SPATA6: variants seen among roughly 807,000 people sequenced by gnomAD.
SPATA6 encodes the protein spermatogenesis associated 6.
SPATA6 carries 56 observed loss-of-function variants against 65.3 expected under a neutral mutation model. That is an observed-to-expected ratio of 0.86 (90% CI 0.69 to 1.07). The LOEUF (loss-of-function observed/expected upper bound fraction) is 1.07. SPATA6 is among the 50% of genes least tolerant of loss of function. The pLI, the probability that SPATA6 is intolerant of heterozygous loss-of-function variation, is 0.00. For synonymous variants in SPATA6, 199 were observed against 213.2 expected (o/e 0.93, Z 0.58); for missense variants, 590 against 594.8 (o/e 0.99, Z 0.08).
chr1:48,290,574 C>T (rs1644760242), downstream of SPATA6, among the ~76,000 whole-genome samples: 2 of 151,976 alleles, frequency 1.3e-5, no homozygotes, highest in African/African-American at 4.8e-5. Flanking sequence ...GAGTCAAGAC[C>T]CATCAGTGTG....
intron 9 of SPATA6, among the ~76,000 whole-genome samples, chr1:48,364,585 C>A (rs1238983313): frequency 1.3e-5 from 2 of 152,168 alleles, no homozygotes; most frequent in Non-Finnish European, 2.9e-5. Context: ...TGTTTTTTGG[C>A]TGCATAAATG....
At chr1:48,459,204 C>CAAAAAAAAAAAAAAAAA (rs35079974) in intron 1 of SPATA6, among the ~76,000 whole-genome samples, 1 of 66,394 alleles carries the variant, frequency 1.5e-5, no homozygotes, top group Non-Finnish European at 2.9e-5. Context: ...GACTCCATAT[C>CAAAAAAAAAAAAAAAAA]AAAAAAAAAA....
chr1:48,443,220 C>T (rs1655689466), intron 3 of SPATA6, among the ~76,000 whole-genome samples: 1 of 152,132 alleles, frequency 6.6e-6, no homozygotes, highest in Non-Finnish European at 1.5e-5. Context: ...TTATTAATAG[C>T]AAAGAAAAAT....
At chr1:48,378,896 T>C (rs1433885290) in intron 9 of SPATA6, among the ~76,000 whole-genome samples, 6 of 152,206 alleles carry the variant, frequency 3.9e-5, no homozygotes, top group Non-Finnish European at 4.4e-5. Context: ...ACACATACAA[T>C]GGTATACTAT....
chr1:48,270,098 T>C, the SPATA6 span, among the ~76,000 whole-genome samples: 4 of 152,114 alleles, frequency 2.6e-5, no homozygotes, highest in Non-Finnish European at 4.4e-5. Flanking sequence ...AATGTAGTGA[T>C]GCTTAAACTT....
At chr1:48,319,448 T>A (rs548635297) in intron 11 of SPATA6, among the ~76,000 whole-genome samples, 6 of 152,228 alleles carry the variant, frequency 3.9e-5, no homozygotes, top group Admixed American at 6.5e-5. Flanking sequence ...AGTGAGCGCC[T>A]CTGTCATGGA....
intron 11 of SPATA6, among the ~76,000 whole-genome samples, chr1:48,341,191 C>T (rs965954259): frequency 6.6e-6 from 1 of 152,130 alleles, no homozygotes; most frequent in Non-Finnish European, 1.5e-5. Flanking sequence ...GAGACAACTC[C>T]CTTATGCCTC....
chr1:48,296,106 T>G lies in SPATA6; in HGVS notation c.*2607A>C, dbSNP rs1378647257. 6.6e-6 allele frequency: 1 copy of G among 152,038 alleles called. No individual in the cohort carries two copies. The highest frequency in any genetic ancestry group is 1.5e-5 in the Non-Finnish European group (1 of 67,986). 9.4% of individuals were successfully genotyped at this position (152,038 alleles called of 1,614,324 possible). A position where few individuals can be genotyped will look rare whatever the true frequency, so the allele number is the denominator to read the frequency against. ...TTAAAAAGTAAAAAGAAAAGCCTAT[T>G]TATCTTTCATATTAACTCCAATAAT... On this transcript the variant is annotated 3_prime_UTR_variant, in exon 13 of 13. Transcript: ENST00000371847.
In SPATA6 at chr1:48,463,696, A is replaced by G. The variant is rs575482987; in HGVS notation, c.51+8262T>C. ...GAGATTTACAGGATGCTTCACCTGG[A>G]TGGGTACACAGGTGTTCATTAAATG... On this transcript the variant is annotated intron_variant, in intron 1 of 12. Coordinates refer to ENST00000371847, the MANE Select transcript of SPATA6 (RefSeq NM_019073.4). Among the ~76,000 whole-genome samples the G allele has an allele frequency of 1.2e-4, 19 of 152,328 alleles. No individual in the cohort carries two copies. The South Asian group carries it at 3.9e-3, about 32-fold the overall frequency.
intron 7 of SPATA6, among the ~76,000 whole-genome samples, chr1:48,397,901 A>G (rs1650758206): frequency 6.6e-6 from 1 of 151,678 alleles, no homozygotes; most frequent in Non-Finnish European, 1.5e-5. Flanking sequence ...AAGTAATAAT[A>G]AAACAAACAT....
At chr1:48,411,986 C>T (rs146550243) in intron 4 of SPATA6, among the ~76,000 whole-genome samples, 3 of 152,160 alleles carry the variant, frequency 2.0e-5, no homozygotes, top group Non-Finnish European at 2.9e-5. Flanking sequence ...CCTCCTGCAG[C>T]CTCCTGAGTA....
At chr1:48,406,153 G>C (rs1211210166) in intron 5 of SPATA6, among the ~76,000 whole-genome samples, 2 of 152,054 alleles carry the variant, frequency 1.3e-5, no homozygotes, top group Non-Finnish European at 2.9e-5. Context: ...TTTGAGCGTG[G>C]GAGGTCAAGG....
chr1:48,367,284 T>C (rs1647053342), intron 9 of SPATA6, among the ~76,000 whole-genome samples: 1 of 152,158 alleles, frequency 6.6e-6, no homozygotes, highest in African/African-American at 2.4e-5. Context: ...TGATTTGGGG[T>C]GGAGAGTTCT....
the SPATA6 span, among the ~76,000 whole-genome samples, chr1:48,287,294 T>C: frequency 1.3e-5 from 2 of 152,148 alleles, no homozygotes; most frequent in Non-Finnish European, 2.9e-5. Context: ...TGCCAAACCA[T>C]TTATGATAAA....
At chr1:48,396,028 T>C (rs1367699207) in intron 7 of SPATA6, among the ~76,000 whole-genome samples, 4 of 151,460 alleles carry the variant, frequency 2.6e-5, no homozygotes, top group African/African-American at 9.7e-5. Context: ...CAAAAACAAA[T>C]AGATTTAAAA....
chr1:48,267,598 C>T, the SPATA6 span, among the ~76,000 whole-genome samples: 3 of 152,054 alleles, frequency 2.0e-5, no homozygotes, highest in Admixed American at 6.6e-5. Flanking sequence ...CCAAATTCTG[C>T]GTTGTCCTAC....
intron 3 of SPATA6, among the ~76,000 whole-genome samples, chr1:48,449,558 G>A (rs1656366941): frequency 6.6e-6 from 1 of 152,142 alleles, no homozygotes; most frequent in South Asian, 2.1e-4. Flanking sequence ...CATGCTAAAT[G>A]AGCTAGTTTT....
chr1:48,369,779 C>T (rs1383910027), intron 9 of SPATA6, among the ~76,000 whole-genome samples: 1 of 152,158 alleles, frequency 6.6e-6, no homozygotes, highest in Non-Finnish European at 1.5e-5. Flanking sequence ...GTGCACTGCA[C>T]CCACTGTCCT....
chr1:48,312,560 C>G (rs995574913), intron 11 of SPATA6, among the ~76,000 whole-genome samples: 3 of 152,144 alleles, frequency 2.0e-5, no homozygotes, highest in African/African-American at 7.2e-5. Context: ...TCACCATCAT[C>G]AAAGATCAAA....
Sources: gnomAD v4.1 joint callset for allele counts (sites outside exome capture counted in the v4.1 genomes callset) on GRCh38, gnomAD v4.1.1 for gene constraint, MANE v1.5 for transcripts, NCBI Gene and HGNC (gene_info 2026-07-23, HGNC 2026-07-21) for gene names.